Variants in TLR5 observed in about 807,000 individuals in gnomAD.
TLR5 encodes toll-like receptor 5.
For missense variants in TLR5, 944 were observed against 999.8 expected (o/e 0.94, Z 0.75); for synonymous variants, 373 against 384.4 (o/e 0.97, Z 0.35).
At chr1:223,130,546 G>A (rs1405759341) in intron 5 of TLR5, among the ~76,000 whole-genome samples, 2 of 152,132 alleles carry the variant, frequency 1.3e-5, no homozygotes, top group African/African-American at 4.8e-5. Context: ...AGAAGGACTT[G>A]GGCAGATTCA....
In TLR5 at chr1:223,111,566, C is replaced by T. The variant is rs1258422120; in HGVS notation, c.1466G>A (p.Trp489Ter). The T allele has an allele frequency of 1.2e-6, 2 of 1,614,010 alleles. No homozygotes were observed. The highest frequency in any genetic ancestry group is 2.7e-5 in the African/African-American group (2 of 74,910). ...FLGENMLQLAWETELCWDVFE... is the reference protein window; with the variant it reads ...FLGENMLQLA The stretch of plus-strand genomic sequence containing the variant: ...AACATCCCAACAGAGCTCAGTTTCC[C>T]AGGCAAGTTGCAACATATTTTCTCC... The change falls in exon 6 of 6, where the codon TGG becomes TAG. Residue 489 changes from tryptophan (W) to a stop codon, truncating the protein, a stop_gained. Coordinates refer to ENST00000642603, the MANE Select transcript of TLR5 (RefSeq NM_003268.6). LOFTEE classifies it low-confidence loss of function (END_TRUNC).
intron 5 of TLR5, among the ~76,000 whole-genome samples, chr1:223,126,338 G>A (rs1657164990): frequency 6.6e-6 from 1 of 152,178 alleles, no homozygotes. Flanking sequence ...AGTTACCAGG[G>A]GCTGGGAGGG....
rs191253766 is a variant in TLR5, at chr1:223,133,818, A to C, written c.-170+864T>G. Reference sequence around the variant, plus strand: ...CTTGGGTGCGACTTCTGATTTCAGGAGATGCGCTTTCCCTAGAGACCAGCA... The same window carrying C: ...CTTGGGTGCGACTTCTGATTTCAGGCGATGCGCTTTCCCTAGAGACCAGCA... On this transcript the variant is annotated intron_variant, in intron 4 of 5. Coordinates refer to ENST00000642603, the MANE Select transcript of TLR5 (RefSeq NM_003268.6). 1.8e-4 allele frequency among the ~76,000 whole-genome samples: 28 copies of C among 152,022 alleles called. 1 individual carries two copies. The highest frequency in any genetic ancestry group is 7.2e-4 in the Admixed American group (11 of 15,284).
chr1:223,115,385 G>T (rs922141303), intron 5 of TLR5, among the ~76,000 whole-genome samples: 6 of 152,198 alleles, frequency 3.9e-5, no homozygotes, highest in Non-Finnish European at 8.8e-5. Context: ...GAGTAGCTTG[G>T]ATTAGAAATG....
intron 5 of TLR5, among the ~76,000 whole-genome samples, chr1:223,119,474 A>ACCC (rs1656832021): frequency 6.6e-6 from 1 of 151,708 alleles, no homozygotes; most frequent in African/African-American, 2.4e-5. Flanking sequence ...TGACTGATGC[A>ACCC]CCCCTCTCTT....
At chr1:223,117,562 C>CAAAA (rs66839180) in intron 5 of TLR5, among the ~76,000 whole-genome samples, 56 of 105,110 alleles carry the variant, frequency 5.3e-4, no homozygotes, top group East Asian at 1.1e-3. Flanking sequence ...ATGGTGTTCA[C>CAAAA]AAAAAAAAAA....
Position 223,110,931 on chromosome 1 carries a change from T to G in TLR5, c.2101A>C (p.Ser701Arg). ...TTCTGCACCCATGTGAAGTCTTTGC[T>G]GCTGAAGCACAAATAGGCATCATAT... The part of the protein sequence containing the change: ...YKYDAYLCFS[S>R]KDFTWVQNAL... The change falls in exon 6 of 6, where the codon AGC becomes CGC. Residue 701 changes from serine (S) to arginine (R), a missense_variant. Physicochemically the swap from Ser to Arg is moderately radical, Grantham distance 110 (BLOSUM62 -1). Coordinates refer to ENST00000642603, the MANE Select transcript of TLR5 (RefSeq NM_003268.6). 6.2e-7 allele frequency: 1 copy of G among 1,614,262 alleles called. No homozygotes were observed. The highest frequency in any genetic ancestry group is 8.5e-7 in the Non-Finnish European group (1 of 1,180,044).
chr1:223,113,199 T>C (rs1427772395), intron 5 of TLR5, among the ~76,000 whole-genome samples, 164 bp from the exon 6 acceptor site: 1 of 152,142 alleles, frequency 6.6e-6, no homozygotes, highest in Non-Finnish European at 1.5e-5. Context: ...GACAAAACTA[T>C]TCTTACTCTA....
In TLR5 at chr1:223,111,870, T is replaced by A. The variant is rs1229658432; in HGVS notation, c.1162A>T (p.Thr388Ser). 2 of 1,613,892 alleles carry A rather than the reference T, an allele frequency of 1.2e-6. No homozygotes were observed. Among genetic ancestry groups the A allele is most frequent in the Non-Finnish European group, 1.7e-6 (2 of 1,179,882 alleles). The change falls in exon 6 of 6, where the codon ACC becomes TCC. Residue 388 changes from threonine to serine, a missense_variant. By Grantham distance (58) the Thr-to-Ser change is moderately conservative (BLOSUM62 1). Transcript: ENST00000642603. The part of the protein sequence containing the change: ...QTFKFLEKLQ[T>S]LDLRDNALTT... ...AGAGCATTGTCTCGGAGATCCAAGGTCTGTAATTTTTCCAGGAATTTGAAT... is the reference window on the plus strand; with the variant it reads ...AGAGCATTGTCTCGGAGATCCAAGGACTGTAATTTTTCCAGGAATTTGAAT...
intron 4 of TLR5, among the ~76,000 whole-genome samples, chr1:223,133,844 G>A (rs1274357433): frequency 1.3e-5 from 2 of 152,208 alleles, no homozygotes; most frequent in Non-Finnish European, 2.9e-5. Context: ...GAGACCAGCA[G>A]AGGGCGCAAA....
intron 2 of TLR5, among the ~76,000 whole-genome samples, chr1:223,137,799 GA>G (rs1657669303): frequency 6.6e-6 from 1 of 151,884 alleles, no homozygotes; most frequent in African/African-American, 2.4e-5. Flanking sequence ...AAAACAAACA[GA>G]AAGTCTTCTC....
Position 223,112,619 on chromosome 1 carries a change from T to C in TLR5, c.413A>G (p.Asp138Gly). Residue 138 changes from aspartate to glycine, a missense_variant, in exon 6 of 6, where the codon GAT becomes GGT. Transcript: ENST00000642603. ...FCGLSDAVLKDGYFRNLKALT... is the reference protein window; with the variant it reads ...FCGLSDAVLKGGYFRNLKALT... ...AGCCTTTAAATTTCTGAAATAACCA[T>C]CTTTCAATACAGCATCAGAGAGACC... 3 of 1,614,190 alleles carry C rather than the reference T, an allele frequency of 1.9e-6. No homozygotes were observed. Among genetic ancestry groups the C allele is most frequent in the Non-Finnish European group, 2.5e-6 (3 of 1,180,040 alleles).
Position 223,111,715 on chromosome 1 carries a change from A to G in TLR5, c.1317T>C (p.Asp439=), listed in dbSNP as rs1447136906. ...GTACCCGTAGGAGAAAGTAGAGAATATCTAGATTTTCTAGCCTGTTTTCTG... is the reference window on the plus strand; with the variant it reads ...GTACCCGTAGGAGAAAGTAGAGAATGTCTAGATTTTCTAGCCTGTTTTCTG... ...HLSENRLENL[D]ILYFLLRVPH... Residue 439 remains aspartate (D), a synonymous_variant, in exon 6 of 6, where the codon GAT becomes GAC. Coordinates refer to ENST00000642603, the MANE Select transcript of TLR5 (RefSeq NM_003268.6). The G allele has an allele frequency of 6.2e-7, 1 of 1,614,044 alleles. No homozygotes were observed. The highest frequency in any genetic ancestry group is 8.5e-7 in the Non-Finnish European group (1 of 1,180,036).
chr1:223,140,349 C>G (rs1486388585), intron 2 of TLR5, among the ~76,000 whole-genome samples: 1 of 152,014 alleles, frequency 6.6e-6, no homozygotes, highest in East Asian at 1.9e-4. Context: ...GAGTTCGAGA[C>G]CAGCCTGGCC....
chr1:223,112,796 C>G lies in TLR5; in HGVS notation c.236G>C (p.Ser79Thr), dbSNP rs140168611. 1.2e-6 allele frequency: 2 copies of G among 1,612,364 alleles called. No individual in the cohort carries two copies. The highest frequency in any genetic ancestry group is 2.2e-5 in the East Asian group (1 of 44,892). ...LEQLQLLELG[S>T]QYTPLTIDKE... Reference sequence around the variant, plus strand: ...GTCAATAGTCAAGGGGGTATACTGGCTCCCGAGCTCCAGCAGCTGCAGCTG... The same window carrying G: ...GTCAATAGTCAAGGGGGTATACTGGGTCCCGAGCTCCAGCAGCTGCAGCTG... Residue 79 changes from serine (S) to threonine (T), a missense_variant, in exon 6 of 6, where the codon AGC becomes ACC. Ser to Thr is a moderately conservative substitution (Grantham distance 58). Transcript: ENST00000642603.
rs75283814 is a variant in TLR5 at position 223,110,539 on chromosome 1, T to C, written c.2493A>G (p.Lys831=). 8.4e-3 allele frequency: 13,633 copies of C among 1,614,036 alleles called. 74 individuals carry two copies. Among genetic ancestry groups the C allele is most frequent in the Middle Eastern group, 0.011 (66 of 6,062 alleles). The change falls in exon 6 of 6, where the codon AAA becomes AAG. Residue 831 remains lysine (K), a synonymous_variant. Transcript: ENST00000642603. The part of the protein sequence containing the change: ...DLQDVGWFLH[K]LSQQILKKEK... ...CTTTCTTTAGTATCTGTTGAGAGAG[T>C]TTATGAAGAAACCAGCCAACATCCT...
chr1:223,131,584 G>A lies in TLR5; in HGVS notation c.-5+891C>T, dbSNP rs1032489571. Among the ~76,000 whole-genome samples, 6 of 151,894 alleles carry A rather than the reference G, an allele frequency of 4.0e-5. No homozygotes were observed. Among genetic ancestry groups the A allele is most frequent in the East Asian group, 1.9e-4 (1 of 5,168 alleles). ...GTTTGTTTTTGTTTTTTTGTTTTGC[G>A]GCAAGATCTCGCTCTGTTACCCAGG... On this transcript the variant is annotated intron_variant, in intron 5 of 5. Coordinates refer to ENST00000642603, the MANE Select transcript of TLR5 (RefSeq NM_003268.6). This position sits in a 1 kb window ranked among gnomAD's most constrained non-coding sequence, Gnocchi z 4.2.
chr1:223,123,064 A>C (rs1369558853), intron 5 of TLR5, among the ~76,000 whole-genome samples: 1 of 152,232 alleles, frequency 6.6e-6, no homozygotes, highest in Admixed American at 6.5e-5. Flanking sequence ...AAGTGACTCT[A>C]AGATATAAAT....
At chr1:223,133,276 G>A (rs1657465303) in intron 4 of TLR5, among the ~76,000 whole-genome samples, 1 of 152,108 alleles carries the variant, frequency 6.6e-6, no homozygotes, top group South Asian at 2.1e-4. Flanking sequence ...TGTGGAGCTC[G>A]GATTTGAATC....
Sources: gnomAD v4.1 joint callset for allele counts (sites outside exome capture counted in the v4.1 genomes callset) on GRCh38, gnomAD v4.1.1 for gene constraint, Gnocchi (gnomAD v3.1) non-coding constraint, MANE v1.5 for transcripts, NCBI Gene and HGNC (gene_info 2026-07-23, HGNC 2026-07-21) for gene names.